Variants in SCN2B observed in about 807,000 individuals in gnomAD.
The protein encoded by SCN2B is sodium voltage-gated channel beta subunit 2.
A neutral mutation model predicts 18.2 loss-of-function variants in SCN2B; 14 were observed. That is an observed-to-expected ratio of 0.77 (90% CI 0.51 to 1.21). The LOEUF (loss-of-function observed/expected upper bound fraction) is 1.21, where lower values mean the gene tolerates loss of function less well. Among genes scored for constraint, SCN2B ranks in the 50% most tolerant of loss-of-function variants. SCN2B has a pLI of 0.00. For missense variants in SCN2B, 262 were observed against 286.9 expected (o/e 0.91, Z 0.63); for synonymous variants, 115 against 115.3 (o/e 1.00, Z 0.02).
At chr11:118,174,095 T>TGTTTTTTTTTTTTTTG (rs56848852) in intron 1 of SCN2B, among the ~76,000 whole-genome samples, 1 of 117,906 alleles carries the variant, frequency 8.5e-6, no homozygotes, top group African/African-American at 3.5e-5. Context: ...TCTTTTCTTT[T>TGTTTTTTTTTTTTTTG]TTTTTTTTTT....
intron 1 of SCN2B, among the ~76,000 whole-genome samples, chr11:118,172,782 A>G (rs1948439523): frequency 6.6e-6 from 1 of 152,194 alleles, no homozygotes; most frequent in South Asian, 2.1e-4. Flanking sequence ...TGCAGAGACT[A>G]TAAAAATTTG....
chr11:118,175,131 G>A (rs76448372), intron 1 of SCN2B, among the ~76,000 whole-genome samples: 5,451 of 152,300 alleles, frequency 0.036, 123 homozygotes, highest in Middle Eastern at 0.078. Context: ...CAGTGCCTGG[G>A]CTCACGAAAA....
intron 1 of SCN2B, among the ~76,000 whole-genome samples, chr11:118,171,417 G>A (rs1948430218): frequency 6.6e-6 from 1 of 152,252 alleles, no homozygotes; most frequent in African/African-American, 2.4e-5. Flanking sequence ...GAGGCCCAGA[G>A]CTCTGAGGGA....
chr11:118,171,004 C>G (rs1026960561), intron 1 of SCN2B, among the ~76,000 whole-genome samples: 1 of 152,044 alleles, frequency 6.6e-6, no homozygotes, highest in Non-Finnish European at 1.5e-5. Context: ...AGCCGCCCTG[C>G]AGCCTGCAGG....
Position 118,165,109 on chromosome 11 carries a change from C to A in SCN2B, c.*1778G>T, listed in dbSNP as rs1948366942. 1 of 152,398 alleles carries A rather than the reference C, an allele frequency of 6.6e-6. No individual in the cohort carries two copies. Among genetic ancestry groups the A allele is most frequent in the South Asian group, 2.1e-4 (1 of 4,842 alleles). The allele number at this position is 152,398 out of a possible 1,614,324, so 9.4% of individuals were successfully genotyped here. A position where few individuals can be genotyped will look rare whatever the true frequency, so the allele number is the denominator to read the frequency against. On this transcript the variant is annotated 3_prime_UTR_variant, in exon 4 of 4. Coordinates refer to ENST00000278947, the MANE Select transcript of SCN2B (RefSeq NM_004588.5). The stretch of plus-strand genomic sequence containing the variant: ...CTGCTTCCCTCCACTCCTCCTCAGT[C>A]CTGGCCAGAGGGGCTGGGCTCCTGG...
At position 118,165,548 on chromosome 11, in the gene SCN2B, T is replaced by G. The variant is rs1948372698; in HGVS notation, c.*1339A>C. 6.9e-6 allele frequency: 1 copy of G among 144,556 alleles called. No homozygotes were observed. The highest frequency in any genetic ancestry group is 1.5e-5 in the Non-Finnish European group (1 of 67,050). The allele number at this position is 144,556 out of a possible 1,614,324, so 9.0% of individuals were successfully genotyped here. ...TGCAGTGGCACTATCACTATCTCAG[T>G]TCACTGCAACCTCTGCTTCCCGGGC... On this transcript the variant is annotated 3_prime_UTR_variant, in exon 4 of 4. Transcript: ENST00000278947.
At chr11:118,171,816 G>A (rs1055275746) in intron 1 of SCN2B, among the ~76,000 whole-genome samples, 1 of 152,246 alleles carries the variant, frequency 6.6e-6, no homozygotes, top group African/African-American at 2.4e-5. Context: ...AGTGGTCACA[G>A]AGTCAAACGT....
Position 118,174,091 on chromosome 11 carries a change from C to CTTTTGTTTT in SCN2B, c.70+2270_70+2271insAAAACAAAA, listed in dbSNP as rs1555101438. 4.6e-3 allele frequency among the ~76,000 whole-genome samples: 306 copies of CTTTTGTTTT among 66,678 alleles called. 18 individuals carry two copies. The highest frequency in any genetic ancestry group is 0.016 in the East Asian group (33 of 2,020). The allele number at this position is 66,678 out of a possible 152,430, so 43.7% of individuals were successfully genotyped here. A position where few individuals can be genotyped will look rare whatever the true frequency, so the allele number is the denominator to read the frequency against. On this transcript the variant is annotated intron_variant, in intron 1 of 3. Transcript: ENST00000278947. The stretch of plus-strand genomic sequence containing the variant: ...ACCATGCCTGGCTTATTTTTCTTTT[C>CTTTTGTTTT]TTTTTTTTTTTTTTTTTTTTTTTTT...
rs578110322 is a variant in SCN2B, at chr11:118,164,841, C to G, written c.*2046G>C. ...GGTTGCTGAATTGAAGCAAATTAAGCTGAATCTCCCAGATGATATTGCTGT... is the reference window on the plus strand; with the variant it reads ...GGTTGCTGAATTGAAGCAAATTAAGGTGAATCTCCCAGATGATATTGCTGT... On this transcript the variant is annotated 3_prime_UTR_variant, in exon 4 of 4. Transcript: ENST00000278947. The G allele has an allele frequency of 1.0e-4, 16 of 152,772 alleles. No individual in the cohort carries two copies. Among genetic ancestry groups the G allele is most frequent in the African/African-American group, 3.8e-4 (16 of 41,570 alleles). 9.5% of individuals were successfully genotyped at this position (152,772 alleles called of 1,614,324 possible).
In SCN2B at chr11:118,168,092, G is replaced by C; in HGVS notation, c.441C>G (p.Leu147=). The C allele has an allele frequency of 6.2e-7, 1 of 1,613,766 alleles. No individual in the cohort carries two copies. The highest frequency in any genetic ancestry group is 1.1e-5 in the South Asian group (1 of 90,978). Reference sequence around the variant, plus strand: ...TGGCACCCCAGCCTTCACCTTCCATGAGGACCTGCAGATGGATCTTGCCAT... The same window carrying C: ...TGGCACCCCAGCCTTCACCTTCCATCAGGACCTGCAGATGGATCTTGCCAT... ...RGHGKIHLQV[L]MEEPPERDST... Residue 147 remains leucine, a synonymous_variant, in exon 3 of 4, where the codon CTC becomes CTG. Coordinates refer to ENST00000278947, the MANE Select transcript of SCN2B (RefSeq NM_004588.5). This position sits in a 1 kb window ranked among gnomAD's most constrained non-coding sequence, Gnocchi z 4.7.
In SCN2B at chr11:118,176,476, G is replaced by C. The variant is rs1948469542; in HGVS notation, c.-45C>G. 6.8e-7 allele frequency: 1 copy of C among 1,462,476 alleles called. No homozygotes were observed. The highest frequency in any genetic ancestry group is 1.4e-5 in the African/African-American group (1 of 71,898). The allele number at this position is 1,462,476 out of a possible 1,614,324, so 90.6% of individuals were successfully genotyped here. A position where few individuals can be genotyped will look rare whatever the true frequency, so the allele number is the denominator to read the frequency against. On this transcript the variant is annotated 5_prime_UTR_variant, in exon 1 of 4. The change creates a new upstream start codon in the 5' untranslated region. Transcript: ENST00000278947. ...AGTCGGGTGGGCTACGGGAGAGGGT[G>C]ATTTGAGGGGGCGAGAACTACAAGG...
chr11:118,170,684 A>G (rs547504508), intron 1 of SCN2B, among the ~76,000 whole-genome samples: 127 of 152,322 alleles, frequency 8.3e-4, no homozygotes, highest in African/African-American at 2.8e-3. Context: ...TCCCAGCTCC[A>G]GCATCAGAAG....
Position 118,166,896 on chromosome 11 carries a change from G to C in SCN2B, c.639C>G (p.Gly213=), listed in dbSNP as rs371409245. The stretch of plus-strand genomic sequence containing the variant: ...CAGGGCCGGCCACCCACTACTTGGC[G>C]CCATCATCCGGGTTGCCTTCACCGT... The part of the protein sequence containing the change: ...KTDGEGNPDD[G]AK The change falls in exon 4 of 4, where the codon GGC becomes GGG. Residue 213 remains glycine (G), a synonymous_variant. Coordinates refer to ENST00000278947, the MANE Select transcript of SCN2B (RefSeq NM_004588.5). The C allele has an allele frequency of 1.9e-6, 3 of 1,613,900 alleles. No individual in the cohort carries two copies. Among genetic ancestry groups the C allele is most frequent in the Non-Finnish European group, 2.5e-6 (3 of 1,180,000 alleles).
chr11:118,164,191 C>T lies in SCN2B; in HGVS notation c.*2696G>A, dbSNP rs1948357252. ...AATAATTCCCCTAAATGTTATGGAT[C>T]CTGGAAAAAGATAAGTTCCCAACAT... is the stretch of plus-strand genomic sequence containing the variant. On this transcript the variant is annotated 3_prime_UTR_variant, in exon 4 of 4. Transcript: ENST00000278947. The T allele has an allele frequency of 6.6e-6, 1 of 152,240 alleles. No individual in the cohort carries two copies. 9.4% of individuals were successfully genotyped at this position (152,240 alleles called of 1,614,324 possible).
In SCN2B at chr11:118,175,123, G is replaced by C. The variant is rs575563549; in HGVS notation, c.70+1239C>G. Among the ~76,000 whole-genome samples, 47 of 152,336 alleles carry C rather than the reference G, an allele frequency of 3.1e-4. 1 individual carries two copies. The highest frequency in any genetic ancestry group is 6.8e-3 in the Middle Eastern group (2 of 294). ...CTGTGAGGGCTAAACAAGATACACA[G>C]TGCCTGGGCTCACGAAAAGCATTCT... is the stretch of plus-strand genomic sequence containing the variant. On this transcript the variant is annotated intron_variant, in intron 1 of 3. Coordinates refer to ENST00000278947, the MANE Select transcript of SCN2B (RefSeq NM_004588.5).
chr11:118,173,259 C>G (rs1181340867), intron 1 of SCN2B, among the ~76,000 whole-genome samples: 3 of 152,216 alleles, frequency 2.0e-5, no homozygotes, highest in Admixed American at 2.0e-4. Flanking sequence ...GACCCCAGTT[C>G]TGATTTTTTC....
At position 118,166,744 on chromosome 11, in the gene SCN2B, C is replaced by T. The variant is rs1024185033; in HGVS notation, c.*143G>A. The T allele has an allele frequency of 2.0e-5, 18 of 880,186 alleles. No individual in the cohort carries two copies. The highest frequency in any genetic ancestry group is 8.3e-5 in the African/African-American group (5 of 60,596). The allele number at this position is 880,186 out of a possible 1,614,324, so 54.5% of individuals were successfully genotyped here. A position where few individuals can be genotyped will look rare whatever the true frequency, so the allele number is the denominator to read the frequency against. Reference sequence around the variant, plus strand: ...CACTCTTGGTGCAGGGTGGGAGATACGAAGTCGGGGGTTCAGGAGGCCCCA... The same window carrying T: ...CACTCTTGGTGCAGGGTGGGAGATATGAAGTCGGGGGTTCAGGAGGCCCCA... On this transcript the variant is annotated 3_prime_UTR_variant, in exon 4 of 4. Transcript: ENST00000278947.
intron 1 of SCN2B, among the ~76,000 whole-genome samples, chr11:118,172,045 G>A (rs1173732541): frequency 1.3e-5 from 2 of 152,154 alleles, no homozygotes; most frequent in African/African-American, 4.8e-5. Context: ...GCAGCTCTAG[G>A]GTGCTGGCCT....
At position 118,166,855 on chromosome 11, in the gene SCN2B, G is replaced by C; in HGVS notation, c.*32C>G. 6.2e-7 allele frequency: 1 copy of C among 1,612,404 alleles called. No individual in the cohort carries two copies. Among genetic ancestry groups the C allele is most frequent in the Non-Finnish European group, 8.5e-7 (1 of 1,179,578 alleles). On this transcript the variant is annotated 3_prime_UTR_variant, in exon 4 of 4. Coordinates refer to ENST00000278947, the MANE Select transcript of SCN2B (RefSeq NM_004588.5). ...GTACAGGGCGGAGAGGGGAGGAGAC[G>C]GGACACGGGAGGCTGCAGGGCCGGC... is the stretch of plus-strand genomic sequence containing the variant.
Sources: allele counts gnomAD v4.1 joint callset (sites outside exome capture counted in the v4.1 genomes callset), GRCh38; gene constraint gnomAD v4.1.1; non-coding constraint Gnocchi (gnomAD v3.1); transcripts MANE v1.5; gene names NCBI Gene and HGNC (gene_info 2026-07-23, HGNC 2026-07-21).